The following RHO variants were observed in gnomAD, a reference collection of about 807,000 sequenced individuals.
RHO encodes opsin 2, rod pigment.
Under a neutral mutation model 31.2 loss-of-function variants are expected in RHO, and 21 were observed. The ratio of observed to expected loss-of-function variants is 0.67; its 90% CI spans 0.48 to 0.97. RHO has a LOEUF of 0.97. Ranked by LOEUF, RHO falls within the 50% of genes least tolerant of loss-of-function variation. The probability of loss-of-function intolerance (pLI) is 0.00; values close to 1 mark genes in which losing one functional copy is unlikely to be tolerated. For missense variants in RHO, 414 were observed against 479.5 expected, an observed-to-expected ratio of 0.86 and a Z score of 1.28; for synonymous variants, 211 against 196.6, an observed-to-expected ratio of 1.07 and a Z score of -0.61.
intron 1 of RHO, among the ~76,000 whole-genome samples, chr3:129,530,242 T>A (rs1021271948): frequency 6.6e-5 from 10 of 152,120 alleles, no homozygotes; most frequent in African/African-American, 2.4e-4. Context: ...GTTTGGTTGA[T>A]TAACTATATG....
rs758844049 is a variant in RHO at position 129,532,215 on chromosome 3, C to T, written c.531-36C>T. The T allele has an allele frequency of 1.9e-6, 3 of 1,605,520 alleles. No homozygotes were observed. The highest frequency in any genetic ancestry group is 1.7e-4 in the Middle Eastern group (1 of 6,052). The stretch of plus-strand genomic sequence containing the variant: ...AGCCACCTTGGCTGTTCCCAAGTCC[C>T]TCACAGGCAGGGTCTCCCTACCTGC... On this transcript the variant is annotated intron_variant, in intron 2 of 4. Coordinates refer to ENST00000296271, the MANE Select transcript of RHO (RefSeq NM_000539.3). The surrounding 1 kb of genome is among the most constrained non-coding windows in gnomAD (Gnocchi z 5.5).
At chr3:129,530,534 A>C (rs867450441) in intron 1 of RHO, among the ~76,000 whole-genome samples, 39 of 53,748 alleles carry the variant, frequency 7.3e-4, no homozygotes, top group South Asian at 4.4e-3. Flanking sequence ...CACACACACA[A>C]CACACACACA....
At chr3:129,531,785 C>A (rs548932276) in intron 2 of RHO, among the ~76,000 whole-genome samples, 1 of 152,296 alleles carries the variant, frequency 6.6e-6, no homozygotes, top group African/African-American at 2.4e-5. Context: ...TAATGACGTG[C>A]GCTGGAAGCC....
chr3:129,530,911 A>G lies in RHO; in HGVS notation c.397A>G (p.Ile133Val). Residue 133 changes from isoleucine to valine, a missense_variant, in exon 2 of 5, where the codon ATC becomes GTC. Transcript: ENST00000296271. ...IALWSLVVLA[I>V]ERYVVVCKPM... is the part of the protein sequence containing the mutation. The stretch of plus-strand genomic sequence containing the variant: ...CCTGTGGTCCTTGGTGGTCCTGGCC[A>G]TCGAGCGGTACGTGGTGGTGTGTAA... 1 of 1,614,226 alleles carries G rather than the reference A, an allele frequency of 6.2e-7. No individual in the cohort carries two copies. Among genetic ancestry groups the G allele is most frequent in the Non-Finnish European group, 8.5e-7 (1 of 1,180,044 alleles).
intron 1 of RHO, among the ~76,000 whole-genome samples, chr3:129,529,637 C>T (rs546127355): frequency 6.6e-6 from 1 of 152,338 alleles, no homozygotes; most frequent in Admixed American, 6.5e-5. Context: ...TCGGTCCCCT[C>T]TGGCATCCTC....
In RHO at chr3:129,530,998, G is replaced by C. The variant is rs745759264; in HGVS notation, c.484G>C (p.Val162Leu). ...HAIMGVAFTW[V>L]MALACAAPPL... ...CATCATGGGCGTTGCCTTCACCTGG[G>C]TCATGGCGCTGGCCTGCGCCGCACC... Residue 162 changes from valine to leucine, a missense_variant, in exon 2 of 5, where the codon GTC becomes CTC. Transcript: ENST00000296271. 23 of 1,614,232 alleles carry C rather than the reference G, an allele frequency of 1.4e-5. No individual in the cohort carries two copies. Among genetic ancestry groups the C allele is most frequent in the Non-Finnish European group, 1.9e-5 (23 of 1,180,048 alleles).
At position 129,532,333 on chromosome 3, in the gene RHO, A is replaced by G. The variant is rs1001583714; in HGVS notation, c.613A>G (p.Ile205Val). The change falls in exon 3 of 5, where the codon ATC (isoleucine) becomes GTC (valine). Residue 205 changes from isoleucine (I) to valine (V), a missense_variant. Coordinates refer to ENST00000296271, the MANE Select transcript of RHO (RefSeq NM_000539.3). The surrounding 1 kb of genome is among the most constrained non-coding windows in gnomAD (Gnocchi z 5.5). The stretch of plus-strand genomic sequence containing the variant: ...GGAGGTCAACAACGAGTCTTTTGTC[A>G]TCTACATGTTCGTGGTCCACTTCAC... ...KPEVNNESFV[I>V]YMFVVHFTIP... The G allele has an allele frequency of 2.5e-6, 4 of 1,613,944 alleles. No homozygotes were observed. Among genetic ancestry groups the G allele is most frequent in the South Asian group, 1.1e-5 (1 of 91,078 alleles).
At position 129,530,933 on chromosome 3, in the gene RHO, G is replaced by C. The variant is rs2084775122; in HGVS notation, c.419G>C (p.Cys140Ser). The part of the protein sequence containing the change: ...VLAIERYVVV[C>S]KPMSNFRFGE... ...GCCATCGAGCGGTACGTGGTGGTGT[G>C]TAAGCCCATGAGCAACTTCCGCTTC... The change falls in exon 2 of 5, where the codon TGT becomes TCT. Residue 140 changes from cysteine (C) to serine (S), a missense_variant. Cys to Ser is a moderately radical substitution (Grantham distance 112, BLOSUM62 -1). Coordinates refer to ENST00000296271, the MANE Select transcript of RHO (RefSeq NM_000539.3). 12 of 1,614,262 alleles carry C rather than the reference G, an allele frequency of 7.4e-6. No homozygotes were observed. The highest frequency in any genetic ancestry group is 1.0e-5 in the Non-Finnish European group (12 of 1,180,042).
In RHO at chr3:129,532,871, G is replaced by T. The variant is rs915839107; in HGVS notation, c.936+99G>T. ...AGGGCAGGGGAGGGGGCTCCATCAG[G>T]GTTACTGGCAGCAGTCTTGGGTCAG... is the stretch of plus-strand genomic sequence containing the variant. On this transcript the variant is annotated intron_variant, in intron 4 of 4. Transcript: ENST00000296271. The surrounding 1 kb of genome is among the most constrained non-coding windows in gnomAD (Gnocchi z 5.5). 1.3e-6 allele frequency: 2 copies of T among 1,519,382 alleles called. No individual in the cohort carries two copies. The highest frequency in any genetic ancestry group is 2.7e-5 in the African/African-American group (2 of 73,280). The allele number at this position is 1,519,382 out of a possible 1,614,324, so 94.1% of individuals were successfully genotyped here. A position where few individuals can be genotyped will look rare whatever the true frequency, so the allele number is the denominator to read the frequency against.
At chr3:129,530,852 G>A in intron 1 of RHO, 24 bp from the exon 2 acceptor site, 1 of 1,614,176 alleles carries the variant, frequency 6.2e-7, no homozygotes, top group African/African-American at 1.3e-5. Flanking sequence ...GGTCTGTGCT[G>A]ACCGCCTGCT....
In RHO at chr3:129,534,098, A is replaced by G; in HGVS notation, c.*380A>G. The G allele has an allele frequency of 4.7e-6, 1 of 214,080 alleles. No individual in the cohort carries two copies. 13.3% of individuals were successfully genotyped at this position (214,080 alleles called of 1,614,324 possible). The stretch of plus-strand genomic sequence containing the variant: ...TAGGTGCTTAATAAATGCTGGATGG[A>G]TGCAGGAAGGAATGGAGGAATGAAT... On this transcript the variant is annotated 3_prime_UTR_variant, in exon 5 of 5. Transcript: ENST00000296271.
intron 1 of RHO, among the ~76,000 whole-genome samples, chr3:129,529,943 CAGG>C (rs2084765763): frequency 6.6e-6 from 1 of 152,162 alleles, no homozygotes; most frequent in African/African-American, 2.4e-5. Context: ...TGCTGAGATG[CAGG>C]AGGAGACGCT....
At chr3:129,530,327 C>T (rs1344102691) in intron 1 of RHO, among the ~76,000 whole-genome samples, 1 of 152,082 alleles carries the variant, frequency 6.6e-6, no homozygotes, top group Non-Finnish European at 1.5e-5. Flanking sequence ...CTTCTTCTTC[C>T]TCTGGGCAAA....
chr3:129,533,746 A>G lies in RHO; in HGVS notation c.*28A>G, dbSNP rs962322955. The G allele has an allele frequency of 2.0e-6, 3 of 1,487,836 alleles. No homozygotes were observed. The highest frequency in any genetic ancestry group is 1.4e-5 in the African/African-American group (1 of 72,328). 92.2% of individuals were successfully genotyped at this position (1,487,836 alleles called of 1,614,324 possible). A position where few individuals can be genotyped will look rare whatever the true frequency, so the allele number is the denominator to read the frequency against. ...CCTGCCTAGGACTCTGTGGCCGACT[A>G]TAGGCGTCTCCCATCCCCTACACCT... On this transcript the variant is annotated 3_prime_UTR_variant, in exon 5 of 5. Transcript: ENST00000296271.
At chr3:129,529,143 G>A in intron 1 of RHO, 49 bp downstream of exon 1, 2 of 1,580,434 alleles carry the variant, frequency 1.3e-6, no homozygotes, top group East Asian at 2.3e-5. Context: ...GAGCATGGAG[G>A]GGTCTGGGAG....
rs2108749334 is a variant in RHO at position 129,529,067 on chromosome 3, T to C, written c.334T>C (p.Leu112=). The change falls in exon 1 of 5, where the codon TTG becomes CTG. Residue 112 remains leucine (L), a synonymous_variant. Coordinates refer to ENST00000296271, the MANE Select transcript of RHO (RefSeq NM_000539.3). ...CGTCTTCGGGCCCACAGGATGCAATTTGGAGGGCTTCTTTGCCACCCTGGG... is the reference window on the plus strand; with the variant it reads ...CGTCTTCGGGCCCACAGGATGCAATCTGGAGGGCTTCTTTGCCACCCTGGG... The part of the protein sequence containing the change: ...YFVFGPTGCN[L]EGFFATLGGE... The C allele has an allele frequency of 6.2e-7, 1 of 1,613,358 alleles. No individual in the cohort carries two copies. Among genetic ancestry groups the C allele is most frequent in the Non-Finnish European group, 8.5e-7 (1 of 1,179,406 alleles).
At position 129,532,910 on chromosome 3, in the gene RHO, G is replaced by T; in HGVS notation, c.936+138G>T. On this transcript the variant is annotated intron_variant, in intron 4 of 4. Coordinates refer to ENST00000296271, the MANE Select transcript of RHO (RefSeq NM_000539.3). This position sits in a 1 kb window ranked among gnomAD's most constrained non-coding sequence, Gnocchi z 5.5. ...GTCTTGGGTCAGCAGTCCCAATGGG[G>T]AGTGTGTGAGAAATGCAGATTCCTG... The T allele has an allele frequency of 8.7e-7, 1 of 1,152,364 alleles. No individual in the cohort carries two copies. The highest frequency in any genetic ancestry group is 1.3e-5 in the South Asian group (1 of 78,570). The allele number at this position is 1,152,364 out of a possible 1,614,324, so 71.4% of individuals were successfully genotyped here.
rs1274334066 is a variant in RHO, at chr3:129,535,134, G to T, written c.*1416G>T. 1 of 152,646 alleles carries T rather than the reference G, an allele frequency of 6.6e-6. No homozygotes were observed. The highest frequency in any genetic ancestry group is 1.5e-5 in the Non-Finnish European group (1 of 68,066). 9.5% of individuals were successfully genotyped at this position (152,646 alleles called of 1,614,324 possible). The stretch of plus-strand genomic sequence containing the variant: ...CTCTGCCTGGAGACTAAGGCAAATT[G>T]GGCCATTAAAAGCTCAGCTCCTATG... On this transcript the variant is annotated 3_prime_UTR_variant, in exon 5 of 5. Coordinates refer to ENST00000296271, the MANE Select transcript of RHO (RefSeq NM_000539.3).
intron 1 of RHO, among the ~76,000 whole-genome samples, chr3:129,529,540 C>T (rs1394528411): frequency 2.6e-5 from 4 of 152,180 alleles, no homozygotes; most frequent in Non-Finnish European, 1.5e-5. Context: ...CAAGCCAGAC[C>T]CCTCCTCTCT....
Sources: allele counts gnomAD v4.1 joint callset (sites outside exome capture counted in the v4.1 genomes callset), GRCh38; gene constraint gnomAD v4.1.1; non-coding constraint Gnocchi (gnomAD v3.1); transcripts MANE v1.5; gene names NCBI Gene and HGNC (gene_info 2026-07-23, HGNC 2026-07-21).